Variants in SAMD9 observed in about 807,000 individuals in gnomAD.
The protein encoded by SAMD9 is sterile alpha motif domain containing 9.
Under a neutral mutation model 1.5 loss-of-function variants are expected in SAMD9, and 3 were observed. The observed-to-expected ratio is 2.05, with a 90% CI of 0.93 to 5.29. The LOEUF is 5.29. Among genes scored for constraint, SAMD9 ranks in the 30% most tolerant of loss-of-function variants. The pLI, the probability that SAMD9 is intolerant of heterozygous loss-of-function variation, is 0.02. For synonymous variants in SAMD9, 635 were observed against 631.9 expected (o/e 1.00, Z -0.07); for missense variants, 1,597 against 1,820.8 (o/e 0.88, Z 2.24).
intron 1 of SAMD9, among the ~76,000 whole-genome samples, chr7:93,115,719 T>G (rs1469713693): frequency 6.6e-6 from 1 of 152,128 alleles, no homozygotes; most frequent in Admixed American, 6.5e-5. Context: ...AACGGATGAA[T>G]AAAATAAAAG....
rs1791572199 is a variant in SAMD9, at chr7:93,103,403, T to A, written c.2695A>T (p.Asn899Tyr). The A allele has an allele frequency of 6.2e-7, 1 of 1,613,376 alleles. No homozygotes were observed. Among genetic ancestry groups the A allele is most frequent in the African/African-American group, 1.3e-5 (1 of 74,904 alleles). The change falls in exon 3 of 3, where the codon AAT (asparagine) becomes TAT (tyrosine). Residue 899 changes from asparagine (N) to tyrosine (Y), a missense_variant. Asn to Tyr is a moderately radical substitution (Grantham distance 143, BLOSUM62 -2). Transcript: ENST00000379958. Reference protein sequence around the residue: ...KTNFNKEYIENVVRNILKGQN... With the variant: ...KTNFNKEYIEYVVRNILKGQN... ...CCTTTCAGGATATTCCGGACCACAT[T>A]TTCTATGTATTCTTTATTAAAATTG...
rs776558032 is a variant in SAMD9, at chr7:93,103,400, C to T, written c.2698G>A (p.Val900Met). 4.3e-6 allele frequency: 7 copies of T among 1,613,386 alleles called. No individual in the cohort carries two copies. The Admixed American group carries it at 5.0e-5, about 12-fold the overall frequency. ...TGCCCTTTCAGGATATTCCGGACCACATTTTCTATGTATTCTTTATTAAAA... is the reference window on the plus strand; with the variant it reads ...TGCCCTTTCAGGATATTCCGGACCATATTTTCTATGTATTCTTTATTAAAA... ...TNFNKEYIENVVRNILKGQNI... is the reference protein window; with the variant it reads ...TNFNKEYIENMVRNILKGQNI... The change falls in exon 3 of 3, where the codon GTG becomes ATG. Residue 900 changes from valine to methionine, a missense_variant. Transcript: ENST00000379958.
In SAMD9 at chr7:93,104,915, C is replaced by G; in HGVS notation, c.1183G>C (p.Val395Leu). The G allele has an allele frequency of 6.2e-7, 1 of 1,612,634 alleles. No individual in the cohort carries two copies. The highest frequency in any genetic ancestry group is 1.1e-5 in the South Asian group (1 of 90,780). Residue 395 changes from valine (V) to leucine (L), a missense_variant, in exon 3 of 3, where the codon GTT (valine) becomes CTT (leucine). Around this residue, in one of 6 missense-constraint regions of SAMD9, gnomAD observed 358 missense variants for 460.4 expected, o/e 0.78. Transcript: ENST00000379958. ...TCTTGATTTCCTGTCAATAATTTAA[C>G]CAACTTTGGTCCCTCTCTTTCTTTT... ...NKKEREGPKL[V>L]KLLTGNQDLL...
chr7:93,107,854 G>C (rs1469873552), intron 2 of SAMD9, among the ~76,000 whole-genome samples: 1 of 152,212 alleles, frequency 6.6e-6, no homozygotes, highest in Non-Finnish European at 1.5e-5. Context: ...CAATATCTTA[G>C]TTGCGATTTT....
intron 1 of SAMD9, among the ~76,000 whole-genome samples, chr7:93,115,679 A>G (rs1490682963): frequency 1.3e-5 from 2 of 152,208 alleles, no homozygotes; most frequent in South Asian, 2.1e-4. Context: ...TAAAAAGCCA[A>G]TAATGCCTCC....
rs1562776016 is a variant in SAMD9 at position 93,105,309 on chromosome 7, A to G, written c.789T>C (p.His263=). The change falls in exon 3 of 3, where the codon CAT becomes CAC. Residue 263 remains histidine, a synonymous_variant. Transcript: ENST00000379958. The part of the protein sequence containing the change: ...TNDTKEALIN[H]FNLMINKYFE... ...AATACTTGTTTATCATCAGATTGAA[A>G]TGGTTAATGAGGGCTTCCTTGGTAT... 6.2e-7 allele frequency: 1 copy of G among 1,613,966 alleles called. No homozygotes were observed. Among genetic ancestry groups the G allele is most frequent in the Non-Finnish European group, 8.5e-7 (1 of 1,179,978 alleles).
rs376068011 is a variant in SAMD9 at position 93,102,033 on chromosome 7, T to G, written c.4065A>C (p.Gln1355His). 14 of 1,613,316 alleles carry G rather than the reference T, an allele frequency of 8.7e-6. No homozygotes were observed. The highest frequency in any genetic ancestry group is 1.2e-5 in the Non-Finnish European group (14 of 1,179,730). The change falls in exon 3 of 3, where the codon CAA (glutamine) becomes CAC (histidine). Residue 1355 changes from glutamine to histidine, a missense_variant. Gln to His is a conservative substitution (Grantham distance 24). Around this residue, in one of 6 missense-constraint regions of SAMD9, gnomAD observed 682 missense variants for 810.0 expected, o/e 0.84. Transcript: ENST00000379958. ...SGLLEYLIKSQEDAISTMKCI... is the reference protein window; with the variant it reads ...SGLLEYLIKSHEDAISTMKCI... The stretch of plus-strand genomic sequence containing the variant: ...ATTTCATAGTGCTTATAGCATCCTC[T>G]TGACTTTTGATAAGATATTCCAAGA...
Position 93,105,226 on chromosome 7 carries a change from T to G in SAMD9, c.872A>C (p.Glu291Ala). ...TAGAGTACTATTTGGCAGTAAAACT[T>G]CCACAAATCTTGGCTCTCGAATGCA... ...KKCIREPRFV[E>A]VLLPNSTLSD... Residue 291 changes from glutamate to alanine, a missense_variant, in exon 3 of 3, where the codon GAA (glutamate) becomes GCA (alanine). By Grantham distance (107) the Glu-to-Ala change is moderately radical. Transcript: ENST00000379958. The G allele has an allele frequency of 6.2e-7, 1 of 1,613,912 alleles. No homozygotes were observed. The highest frequency in any genetic ancestry group is 8.5e-7 in the Non-Finnish European group (1 of 1,179,958).
At chr7:93,113,111 G>C (rs1791774202) in intron 2 of SAMD9, among the ~76,000 whole-genome samples, 1 of 152,116 alleles carries the variant, frequency 6.6e-6, no homozygotes, top group South Asian at 2.1e-4. Context: ...CAGAGATATA[G>C]ACCAATGGAA....
intron 2 of SAMD9, among the ~76,000 whole-genome samples, chr7:93,113,507 T>G (rs1791781207): frequency 6.6e-6 from 1 of 152,002 alleles, no homozygotes; most frequent in Non-Finnish European, 1.5e-5. Context: ...ATCATCAGAG[T>G]GAACAGGCAA....
At chr7:93,109,524 T>C (rs929801070) in intron 2 of SAMD9, among the ~76,000 whole-genome samples, 3 of 152,222 alleles carry the variant, frequency 2.0e-5, no homozygotes, top group Admixed American at 1.3e-4. Context: ...TAAAGGAGGA[T>C]GTTTGAACCC....
rs764243484 is a variant in SAMD9 at position 93,103,564 on chromosome 7, G to A, written c.2534C>T (p.Ala845Val). 1.4e-5 allele frequency: 23 copies of A among 1,613,120 alleles called. No homozygotes were observed. The highest frequency in any genetic ancestry group is 1.9e-5 in the Non-Finnish European group (22 of 1,179,424). ...CMRSQNPEKS[A>V]RIPDSIAVIQ... ...TACGGCAATACTGTCTGGGATCCTT[G>A]CACTTTTTTCAGGATTTTGTGATCT... Residue 845 changes from alanine to valine, a missense_variant, in exon 3 of 3, where the codon GCA becomes GTA. By Grantham distance (64) the Ala-to-Val change is moderately conservative. Transcript: ENST00000379958.
Position 93,105,222 on chromosome 7 carries a change from A to G in SAMD9, c.876T>C (p.Val292=). 1 of 1,613,902 alleles carries G rather than the reference A, an allele frequency of 6.2e-7. No individual in the cohort carries two copies. Among genetic ancestry groups the G allele is most frequent in the Non-Finnish European group, 8.5e-7 (1 of 1,179,968 alleles). Residue 292 remains valine (V), a synonymous_variant, in exon 3 of 3, where the codon GTT becomes GTC. Transcript: ENST00000379958. ...CAGATAGAGTACTATTTGGCAGTAAAACTTCCACAAATCTTGGCTCTCGAA... is the reference window on the plus strand; with the variant it reads ...CAGATAGAGTACTATTTGGCAGTAAGACTTCCACAAATCTTGGCTCTCGAA... ...KCIREPRFVE[V]LLPNSTLSDR...
intron 2 of SAMD9, among the ~76,000 whole-genome samples, chr7:93,113,283 C>T (rs1285039482): frequency 3.3e-5 from 5 of 152,194 alleles, no homozygotes; most frequent in African/African-American, 1.2e-4. Context: ...CCCTTCCTTA[C>T]ACCTCATACA....
At position 93,105,570 on chromosome 7, in the gene SAMD9, C is replaced by T. The variant is rs1791624359; in HGVS notation, c.528G>A (p.Lys176=). 1 of 1,613,958 alleles carries T rather than the reference C, an allele frequency of 6.2e-7. No individual in the cohort carries two copies. Among genetic ancestry groups the T allele is most frequent in the South Asian group, 1.1e-5 (1 of 91,088 alleles). Residue 176 remains lysine, a synonymous_variant, in exon 3 of 3, where the codon AAG becomes AAA. Coordinates refer to ENST00000379958, the MANE Select transcript of SAMD9 (RefSeq NM_017654.4). The stretch of plus-strand genomic sequence containing the variant: ...TTTCAGGCTGTAGACTAAAATCCAA[C>T]TTGTAACGATATGGATTACTGAATT... ...FDEFSNPYRY[K]LDFSLQPETG...
At chr7:93,111,403 A>T (rs1584258709) in intron 2 of SAMD9, among the ~76,000 whole-genome samples, 1 of 152,182 alleles carries the variant, frequency 6.6e-6, no homozygotes, top group Non-Finnish European at 1.5e-5. Context: ...AGAACTAGAG[A>T]AGCAAGAGCA....
intron 2 of SAMD9, among the ~76,000 whole-genome samples, chr7:93,111,286 C>G (rs918042103): frequency 6.6e-6 from 1 of 152,294 alleles, no homozygotes; most frequent in Middle Eastern, 3.4e-3. Context: ...ATACCAGAAT[C>G]TCTGGGACAC....
rs372006940 is a variant in SAMD9, at chr7:93,102,837, C to T, written c.3261G>A (p.Ala1087=). The T allele has an allele frequency of 1.1e-5, 18 of 1,613,768 alleles. No individual in the cohort carries two copies. In the East Asian group the frequency reaches 1.6e-4, roughly 14 times the overall value. ...TTTTAATGTAGAAATGTCTTGCCAA[C>T]GCTTGGCAAATGAATGCATTTGGGT... ...RFNPNAFICQ[A]LARHFYIKKK... Residue 1087 remains alanine (A), a synonymous_variant, in exon 3 of 3, where the codon GCG becomes GCA. Transcript: ENST00000379958.
In SAMD9 at chr7:93,104,016, G is replaced by A. The variant is rs755646022; in HGVS notation, c.2082C>T (p.Phe694=). The A allele has an allele frequency of 6.8e-6, 11 of 1,613,930 alleles. No individual in the cohort carries two copies. The East Asian group carries it at 8.9e-5, about 13-fold the overall frequency. The part of the protein sequence containing the change: ...YRGGKVSWWN[F]YFSSESYSSP... Reference sequence around the variant, plus strand: ...AAGAATAACTTTCAGAAGAGAAGTAGAAGTTCCACCATGACACTTTGCCAC... The same window carrying A: ...AAGAATAACTTTCAGAAGAGAAGTAAAAGTTCCACCATGACACTTTGCCAC... The change falls in exon 3 of 3, where the codon TTC becomes TTT. Residue 694 remains phenylalanine (F), a synonymous_variant. Coordinates refer to ENST00000379958, the MANE Select transcript of SAMD9 (RefSeq NM_017654.4).
Sources: gnomAD v4.1 joint callset for allele counts (sites outside exome capture counted in the v4.1 genomes callset) on GRCh38, gnomAD v4.1.1 for gene constraint, gnomAD v4.1.1 regional missense constraint, MANE v1.5 for transcripts, NCBI Gene and HGNC (gene_info 2026-07-23, HGNC 2026-07-21) for gene names.